IL17RE: variants seen among roughly 807,000 people sequenced by gnomAD.
IL17RE encodes the protein interleukin 17 receptor E, also known as interleukin-17 receptor E.
Under a neutral mutation model 70.7 loss-of-function variants are expected in IL17RE, and 47 were observed. The ratio of observed to expected loss-of-function variants is 0.67; its 90% CI spans 0.53 to 0.85. The LOEUF (loss-of-function observed/expected upper bound fraction) is 0.85, where lower values mean the gene tolerates loss of function less well. IL17RE is among the 40% of genes least tolerant of loss of function. IL17RE has a pLI of 0.00. For synonymous variants in IL17RE, 372 were observed against 381.2 expected (o/e 0.98, Z 0.28); for missense variants, 850 against 893.9 (o/e 0.95, Z 0.63).
In IL17RE at chr3:9,911,044, A is replaced by G. The variant is rs188855234; in HGVS notation, c.978+4A>G. Reference sequence around the variant, plus strand: ...CACAGCTCGAGAGTCAGATGGGGTGAGGACAGGTTCCCCCAGGACCAGGGT... The same window carrying G: ...CACAGCTCGAGAGTCAGATGGGGTGGGGACAGGTTCCCCCAGGACCAGGGT... On this transcript the variant is annotated splice_donor_region_variant and intron_variant, in intron 9 of 15. Transcript: ENST00000383814. 1 of 1,614,110 alleles carries G rather than the reference A, an allele frequency of 6.2e-7. No individual in the cohort carries two copies. Among genetic ancestry groups the G allele is most frequent in the Non-Finnish European group, 8.5e-7 (1 of 1,179,976 alleles).
In IL17RE at chr3:9,905,457, AAAGG is replaced by A. The variant is rs576448059; in HGVS notation, c.269-888_269-885del. Among the ~76,000 whole-genome samples, 175 of 151,994 alleles carry A rather than the reference AAAGG, an allele frequency of 1.2e-3. 1 individual carries two copies. Among genetic ancestry groups the A allele is most frequent in the African/African-American group, 4.8e-4 (20 of 41,452 alleles). Reference sequence around the variant, plus strand: ...CATGACAGAGCAAAATCCTGTCAAGAAAGGAAGGAAGGAAGGAAGGAACGAAGGA... The same window carrying A: ...CATGACAGAGCAAAATCCTGTCAAGAAAGGAAGGAAGGAAGGAACGAAGGA... On this transcript the variant is annotated intron_variant, in intron 3 of 15. Coordinates refer to ENST00000383814, the MANE Select transcript of IL17RE (RefSeq NM_153480.2).
chr3:9,903,895 T>C (rs2082691567), intron 2 of IL17RE, 137 bp from the exon 3 acceptor site: 1 of 1,024,900 alleles, frequency 9.8e-7, no homozygotes, highest in African/African-American at 1.6e-5. Context: ...ATGAGGAATC[T>C]GATCCTTAGA....
Position 9,915,357 on chromosome 3 carries a change from C to T in IL17RE, c.1554C>T (p.Gly518=). 1 of 1,364,176 alleles carries T rather than the reference C, an allele frequency of 7.3e-7. No homozygotes were observed. The highest frequency in any genetic ancestry group is 9.4e-7 in the Non-Finnish European group (1 of 1,067,354). 84.5% of individuals were successfully genotyped at this position (1,364,176 alleles called of 1,614,324 possible). ...AACTGCTACGGGCAGCGCTGGGCGG[C>T]GGGCGCGACGTGATCGTGGACCTGT... ...LAELLRAALG[G]GRDVIVDLWE... The change falls in exon 16 of 16, where the codon GGC becomes GGT. Residue 518 remains glycine, a synonymous_variant. Transcript: ENST00000383814. The surrounding 1 kb of genome is among the most constrained non-coding windows in gnomAD (Gnocchi z 4.9).
At chr3:9,903,181 G>A (rs1410819846) in intron 1 of IL17RE, 117 bp downstream of exon 1, 2 of 1,046,622 alleles carry the variant, frequency 1.9e-6, no homozygotes, top group African/African-American at 1.6e-5. Context: ...GCTTTGATGT[G>A]TCCTCTACCT....
In IL17RE at chr3:9,915,285, C is replaced by A; in HGVS notation, c.1482C>A (p.His494Gln). The change falls in exon 16 of 16, where the codon CAC (histidine) becomes CAA (glutamine). Residue 494 changes from histidine to glutamine, a missense_variant. By Grantham distance (24) the His-to-Gln change is conservative. Coordinates refer to ENST00000383814, the MANE Select transcript of IL17RE (RefSeq NM_153480.2). The surrounding 1 kb of genome is among the most constrained non-coding windows in gnomAD (Gnocchi z 4.9). ...CAGCGCGGCCAGTGCTCCTCCTGCA[C>A]GCGGCGGACTCGGAGGCGCAGCGGC... ...PGPARPVLLLHAADSEAQRRL... is the reference protein window; with the variant it reads ...PGPARPVLLLQAADSEAQRRL... 1 of 1,406,796 alleles carries A rather than the reference C, an allele frequency of 7.1e-7. No individual in the cohort carries two copies. Among genetic ancestry groups the A allele is most frequent in the Non-Finnish European group, 9.2e-7 (1 of 1,087,966 alleles). The allele number at this position is 1,406,796 out of a possible 1,614,324, so 87.1% of individuals were successfully genotyped here.
chr3:9,902,624 G>T, upstream of IL17RE: 1 of 1,536,074 alleles, frequency 6.5e-7, no homozygotes, highest in Non-Finnish European at 8.7e-7. Context: ...AAATGGGTGC[G>T]TCCCCCAACC....
rs1016654192 is a variant in IL17RE at position 9,902,984 on chromosome 3, A to G, written c.52A>G (p.Ile18Val). The change falls in exon 1 of 16, where the codon ATC (isoleucine) becomes GTC (valine). Residue 18 changes from isoleucine (I) to valine (V), a missense_variant. By Grantham distance (29) the Ile-to-Val change is conservative (BLOSUM62 3). Transcript: ENST00000383814. ...ALLLPLLLIV[I>V]DLSDSAGIGF... ...GCTCCTGCCTCTCCTCCTCATAGTC[A>G]TCGACCTCTCTGACTCTGCTGGGAT... The G allele has an allele frequency of 6.2e-7, 1 of 1,614,138 alleles. No homozygotes were observed. The highest frequency in any genetic ancestry group is 8.5e-7 in the Non-Finnish European group (1 of 1,179,966).
At position 9,909,301 on chromosome 3, in the gene IL17RE, G is replaced by C; in HGVS notation, c.802+18G>C. 6.3e-7 allele frequency: 1 copy of C among 1,597,204 alleles called. No homozygotes were observed. Among genetic ancestry groups the C allele is most frequent in the Non-Finnish European group, 8.6e-7 (1 of 1,165,428 alleles). ...AGAAGCCTGTGAGTGCTGTTGACAC[G>C]CACCCTTGTGCACACACATCCCCTT... On this transcript the variant is annotated intron_variant, in intron 8 of 15. Transcript: ENST00000383814.
At chr3:9,905,130 T>C (rs34835066) in intron 3 of IL17RE, among the ~76,000 whole-genome samples, 2 of 137,798 alleles carry the variant, frequency 1.5e-5, no homozygotes, top group Non-Finnish European at 3.1e-5. Flanking sequence ...GAATAGGCAG[T>C]GTTTAATTTT....
rs375783461 is a variant in IL17RE at position 9,904,416 on chromosome 3, T to G, written c.268+265T>G. On this transcript the variant is annotated intron_variant, in intron 3 of 15. Coordinates refer to ENST00000383814, the MANE Select transcript of IL17RE (RefSeq NM_153480.2). ...ACCATCTATTTGTAGAGCAGGATCTTCTTTCTTACTCTATATTTTAATTGC... is the reference window on the plus strand; with the variant it reads ...ACCATCTATTTGTAGAGCAGGATCTGCTTTCTTACTCTATATTTTAATTGC... Among the ~76,000 whole-genome samples the G allele has an allele frequency of 1.1e-3, 166 of 152,350 alleles. 2 individuals are homozygous for G. The South Asian group carries it at 0.028, about 26-fold the overall frequency.
intron 12 of IL17RE, 116 bp downstream of exon 12, chr3:9,911,713 A>G (rs2082897569): frequency 2.0e-6 from 2 of 1,018,352 alleles, no homozygotes; most frequent in Non-Finnish European, 2.9e-6. Flanking sequence ...GACTTTTACC[A>G]TCTGGTTTAC....
chr3:9,908,350 TAAGCCCCC>T (rs1376898941), intron 7 of IL17RE, 43 bp downstream of exon 7: 2 of 1,558,650 alleles, frequency 1.3e-6, no homozygotes, highest in Non-Finnish European at 8.8e-7. Flanking sequence ...GCTCTGCTCC[TAAGCCCCC>T]AAGGTAGCGC....
intron 8 of IL17RE, chr3:9,910,091 CG>C (rs2082855730): frequency 6.6e-6 from 1 of 152,378 alleles, no homozygotes; most frequent in Non-Finnish European, 1.5e-5. Context: ...TGAGGTTGGG[CG>C]CAATGGCTCA....
Position 9,915,546 on chromosome 3 carries a change from C to G in IL17RE, c.1743C>G (p.Leu581=). 3 of 1,387,928 alleles carry G rather than the reference C, an allele frequency of 2.2e-6. No homozygotes were observed. The highest frequency in any genetic ancestry group is 2.8e-6 in the Non-Finnish European group (3 of 1,073,770). 86.0% of individuals were successfully genotyped at this position (1,387,928 alleles called of 1,614,324 possible). The change falls in exon 16 of 16, where the codon CTC becomes CTG. Residue 581 remains leucine, a synonymous_variant. Transcript: ENST00000383814. The surrounding 1 kb of genome is among the most constrained non-coding windows in gnomAD (Gnocchi z 4.9). ...GCGCCGCGCCCCTGCTCGCCCTGCTCCACGCTGCCCCGCGCCCGCTGCTGC... is the reference window on the plus strand; with the variant it reads ...GCGCCGCGCCCCTGCTCGCCCTGCTGCACGCTGCCCCGCGCCCGCTGCTGC... ...DPRAAPLLAL[L]HAAPRPLLLL...
Position 9,902,953 on chromosome 3 carries a change from A to C in IL17RE, c.21A>C (p.Ala7=), listed in dbSNP as rs766683090. 4 of 1,614,128 alleles carry C rather than the reference A, an allele frequency of 2.5e-6. No homozygotes were observed. In the Admixed American group the frequency reaches 5.0e-5, roughly 20 times the overall value. MGSSRL[A]ALLLPLLLIV... The stretch of plus-strand genomic sequence containing the variant: ...AGCCCATGGGGAGCTCCAGACTGGC[A>C]GCCCTGCTCCTGCCTCTCCTCCTCA... Residue 7 remains alanine (A), a synonymous_variant, in exon 1 of 16, where the codon GCA becomes GCC. Coordinates refer to ENST00000383814, the MANE Select transcript of IL17RE (RefSeq NM_153480.2).
rs767930689 is a variant in IL17RE at position 9,911,518 on chromosome 3, A to G, written c.1148A>G (p.His383Arg). 2 of 1,614,062 alleles carry G rather than the reference A, an allele frequency of 1.2e-6. No individual in the cohort carries two copies. The highest frequency in any genetic ancestry group is 1.7e-6 in the Non-Finnish European group (2 of 1,180,054). The change falls in exon 12 of 16, where the codon CAT becomes CGT. Residue 383 changes from histidine to arginine, a missense_variant. His to Arg is a conservative substitution (Grantham distance 29). Coordinates refer to ENST00000383814, the MANE Select transcript of IL17RE (RefSeq NM_153480.2). ...ATTCTTCACTTCTCCTCAAGAATGCATGCCACCTTCAGTGCTGCCTGGAGC... is the reference window on the plus strand; with the variant it reads ...ATTCTTCACTTCTCCTCAAGAATGCGTGCCACCTTCAGTGCTGCCTGGAGC... ...QLILHFSSRMHATFSAAWSLP... is the reference protein window; with the variant it reads ...QLILHFSSRMRATFSAAWSLP...
intron 3 of IL17RE, among the ~76,000 whole-genome samples, chr3:9,904,622 C>T (rs147072263): frequency 6.6e-6 from 1 of 152,250 alleles, no homozygotes; most frequent in Non-Finnish European, 1.5e-5. Context: ...CCTGTCTCCA[C>T]TAAAAATACA....
At chr3:9,907,219 C>T (rs2082780752) in intron 6 of IL17RE, 119 bp downstream of exon 6, 7 of 1,288,692 alleles carry the variant, frequency 5.4e-6, no homozygotes, top group East Asian at 2.3e-5. Context: ...CCAAGACCTC[C>T]TTACAAGCTG....
chr3:9,914,951 T>G (rs2082979544), intron 15 of IL17RE, among the ~76,000 whole-genome samples, 174 bp downstream of exon 15: 1 of 152,216 alleles, frequency 6.6e-6, no homozygotes, highest in Admixed American at 6.5e-5. Flanking sequence ...AAGGGCCCTC[T>G]GAGCATATTG....
Sources: gnomAD v4.1 joint callset for allele counts (sites outside exome capture counted in the v4.1 genomes callset) on GRCh38, gnomAD v4.1.1 for gene constraint, Gnocchi (gnomAD v3.1) non-coding constraint, MANE v1.5 for transcripts, NCBI Gene and HGNC (gene_info 2026-07-23, HGNC 2026-07-21) for gene names.